MRTFB: variants seen among roughly 807,000 people sequenced by gnomAD.
MRTFB encodes myocardin related transcription factor B.
MRTFB carries 29 observed loss-of-function variants against 104.2 expected under a neutral mutation model. The ratio of observed to expected loss-of-function variants is 0.28; its 90% CI spans 0.21 to 0.38. The LOEUF is 0.38. Among genes scored for constraint, MRTFB ranks in the 10% least tolerant of loss-of-function variants. The pLI is 1.00. For missense variants in MRTFB, 1,270 were observed against 1,341.6 expected (o/e 0.95, Z 0.83); for synonymous variants, 535 against 519.5 (o/e 1.03, Z -0.41).
intron 1 of MRTFB, among the ~76,000 whole-genome samples, chr16:14,074,403 G>C (rs1416751300): frequency 1.3e-5 from 2 of 152,112 alleles, no homozygotes; most frequent in Non-Finnish European, 2.9e-5. Flanking sequence ...CTAGGCATAG[G>C]GGATAGATTG....
chr16:14,256,048 G>A (rs562612042), intron 15 of MRTFB, among the ~76,000 whole-genome samples: 2 of 151,446 alleles, frequency 1.3e-5, no homozygotes, highest in South Asian at 4.2e-4. Context: ...AGGGGGTTGA[G>A]GCTGCAGTGA....
intron 2 of MRTFB, among the ~76,000 whole-genome samples, chr16:14,121,399 G>T (rs189216740): frequency 2.6e-5 from 4 of 152,220 alleles, no homozygotes; most frequent in Admixed American, 6.5e-5. Flanking sequence ...TGAGTAACAT[G>T]ACCTTTTTTT....
rs908622751 is a variant in MRTFB at position 14,167,885 on chromosome 16, C to T, written c.154+27125C>T. Among the ~76,000 whole-genome samples the T allele has an allele frequency of 4.1e-4, 62 of 151,944 alleles. 1 individual carries two copies. Among genetic ancestry groups the T allele is most frequent in the African/African-American group, 1.4e-3 (58 of 41,438 alleles). On this transcript the variant is annotated intron_variant, in intron 3 of 16. Coordinates refer to ENST00000571589, the MANE Select transcript of MRTFB (RefSeq NM_001308142.2). ...TGTATTTTTAGTAGAGATGGGGTTT[C>T]ACCGTGTTAACCAGGATGGTCTCGA...
At chr16:14,151,246 G>A (rs1397802266) in intron 3 of MRTFB, 1 of 152,082 alleles carries the variant, frequency 6.6e-6, no homozygotes, top group Non-Finnish European at 1.5e-5. Flanking sequence ...ATAGATTTGT[G>A]TATATTTTAT....
the MRTFB span, among the ~76,000 whole-genome samples, chr16:14,045,943 GTC>G: frequency 6.6e-6 from 1 of 152,192 alleles, no homozygotes; most frequent in Non-Finnish European, 1.5e-5. Context: ...TCAGCAGAGT[GTC>G]TAGTAAAGAA....
chr16:14,058,911 G>C, the MRTFB span, among the ~76,000 whole-genome samples: 2 of 151,580 alleles, frequency 1.3e-5, 1 homozygote, highest in Admixed American at 1.3e-4. Flanking sequence ...GTAGAGACAG[G>C]GTTTTGCCAT....
the MRTFB span, among the ~76,000 whole-genome samples, chr16:14,062,163 GC>G: frequency 2.0e-5 from 3 of 152,164 alleles, no homozygotes; most frequent in Non-Finnish European, 4.4e-5. Flanking sequence ...CACAATCACA[GC>G]TCACTGCAGC....
intron 2 of MRTFB, among the ~76,000 whole-genome samples, chr16:14,120,065 G>A (rs1337776805): frequency 1.3e-5 from 2 of 151,954 alleles, no homozygotes; most frequent in African/African-American, 4.8e-5. Context: ...AGTGAATTTG[G>A]GCATCACTTC....
At chr16:14,127,839 T>G (rs2037197205) in intron 2 of MRTFB, among the ~76,000 whole-genome samples, 1 of 145,682 alleles carries the variant, frequency 6.9e-6, no homozygotes, top group African/African-American at 2.5e-5. Context: ...TTCACTGGTG[T>G]TACTGGCCAG....
chr16:14,133,107 C>G (rs1379490063), intron 2 of MRTFB, among the ~76,000 whole-genome samples: 1 of 152,156 alleles, frequency 6.6e-6, no homozygotes, highest in Non-Finnish European at 1.5e-5. Flanking sequence ...ACTCAAGAGT[C>G]TTTTCAATTT....
intron 2 of MRTFB, among the ~76,000 whole-genome samples, chr16:14,106,028 T>C (rs1377936781): frequency 6.6e-6 from 1 of 152,206 alleles, no homozygotes; most frequent in Non-Finnish European, 1.5e-5. Flanking sequence ...AAGATAGATG[T>C]TGCAAACTAA....
chr16:14,047,845 C>G, the MRTFB span, among the ~76,000 whole-genome samples: 4 of 152,154 alleles, frequency 2.6e-5, no homozygotes, highest in Non-Finnish European at 5.9e-5. Context: ...ACTTATTACT[C>G]TGCTCCCAGC....
At chr16:14,043,500 G>A in the MRTFB span, among the ~76,000 whole-genome samples, 1 of 152,046 alleles carries the variant, frequency 6.6e-6, no homozygotes, top group African/African-American at 2.4e-5. Flanking sequence ...TTTCTTCATT[G>A]TTGCATCTTC....
Position 14,246,944 on chromosome 16 carries a change from A to G in MRTFB, c.1684A>G (p.Asn562Asp). 1 of 1,614,134 alleles carries G rather than the reference A, an allele frequency of 6.2e-7. No homozygotes were observed. The highest frequency in any genetic ancestry group is 1.3e-5 in the African/African-American group (1 of 75,062). The change falls in exon 12 of 17, where the codon AAC becomes GAC. Residue 562 changes from asparagine (N) to aspartate (D), a missense_variant. Physicochemically the swap from Asn to Asp is conservative, Grantham distance 23. Around this residue, in one of 3 missense-constraint regions of MRTFB, gnomAD observed 1,144 missense variants for 1,131.5 expected, o/e 1.01. Coordinates refer to ENST00000571589, the MANE Select transcript of MRTFB (RefSeq NM_001308142.2). ...GAGTCCCACCAGCAGCACTCTGTCA[A>G]ACCTGGAACTGGATGCAGCCGAAAA... ...SLSPTSSTLS[N>D]LELDAAEKDR...
the MRTFB span, among the ~76,000 whole-genome samples, chr16:14,007,959 T>C: frequency 6.6e-6 from 1 of 152,246 alleles, no homozygotes; most frequent in Non-Finnish European, 1.5e-5. Context: ...TCATTCTTTA[T>C]AGATTCTAGG....
chr16:14,121,062 C>G (rs2036820142), intron 2 of MRTFB, among the ~76,000 whole-genome samples: 1 of 152,172 alleles, frequency 6.6e-6, no homozygotes, highest in African/African-American at 2.4e-5. Flanking sequence ...AGCTGTTGCT[C>G]TCTTAAAACC....
chr16:14,035,526 A>C, the MRTFB span, among the ~76,000 whole-genome samples: 1 of 152,132 alleles, frequency 6.6e-6, no homozygotes, highest in Non-Finnish European at 1.5e-5. Context: ...GAAAACTAAT[A>C]AGCTTAGATC....
the MRTFB span, among the ~76,000 whole-genome samples, chr16:14,029,904 G>T: frequency 6.6e-6 from 1 of 152,032 alleles, no homozygotes; most frequent in Non-Finnish European, 1.5e-5. Flanking sequence ...CTGGAACTGG[G>T]CCCCAGCGTT....
chr16:14,125,795 T>C (rs2037078133), intron 2 of MRTFB, among the ~76,000 whole-genome samples: 1 of 152,234 alleles, frequency 6.6e-6, no homozygotes, highest in Admixed American at 6.5e-5. Flanking sequence ...GTTAACATTT[T>C]TCATCTTTAT....
Sources: gnomAD v4.1 joint callset for allele counts (sites outside exome capture counted in the v4.1 genomes callset) on GRCh38, gnomAD v4.1.1 for gene constraint, gnomAD v4.1.1 regional missense constraint, MANE v1.5 for transcripts, NCBI Gene and HGNC (gene_info 2026-07-23, HGNC 2026-07-21) for gene names.